The following KCNIP1 variants were observed in gnomAD, a reference collection of about 807,000 sequenced individuals.
KCNIP1 encodes the protein A-type potassium channel modulatory protein KCNIP1.
In KCNIP1, 18 loss-of-function variants were observed where a neutral mutation model predicts 33.0. The observed-to-expected ratio is 0.55, with a 90% confidence interval of 0.38 to 0.81. The LOEUF is 0.81. Ranked by LOEUF, KCNIP1 falls within the 30% of genes least tolerant of loss-of-function variation. KCNIP1 has a pLI of 0.00. For synonymous variants in KCNIP1, 93 were observed against 98.3 expected, an observed-to-expected ratio of 0.95 and a Z score of 0.32; for missense variants, 238 against 271.6, an observed-to-expected ratio of 0.88 and a Z score of 0.87.
intron 1 of KCNIP1, among the ~76,000 whole-genome samples, chr5:170,426,986 A>C (rs1290388436): frequency 6.6e-6 from 1 of 152,212 alleles, no homozygotes; most frequent in Non-Finnish European, 1.5e-5. Context: ...CCACAGGGAG[A>C]GGGAAGAGGC....
chr5:170,622,548 G>A (rs1292076134), intron 1 of KCNIP1, among the ~76,000 whole-genome samples: 1 of 151,824 alleles, frequency 6.6e-6, no homozygotes, highest in Non-Finnish European at 1.5e-5. Flanking sequence ...CTTGAACCCA[G>A]GAGGCAGAGG....
At chr5:170,464,881 T>C (rs762698262) in intron 1 of KCNIP1, among the ~76,000 whole-genome samples, 39 of 152,152 alleles carry the variant, frequency 2.6e-4, no homozygotes, top group Non-Finnish European at 5.3e-4. Context: ...TCTGAAAGTG[T>C]CCACTCAGTG....
chr5:170,643,373 C>G (rs1760653704), intron 1 of KCNIP1, among the ~76,000 whole-genome samples: 1 of 122,170 alleles, frequency 8.2e-6, no homozygotes, highest in African/African-American at 3.7e-5. Flanking sequence ...AGCAAATTTG[C>G]AGTAATTTAT....
intron 1 of KCNIP1, among the ~76,000 whole-genome samples, chr5:170,569,269 T>C (rs539373842): frequency 5.3e-5 from 8 of 152,376 alleles, no homozygotes; most frequent in Non-Finnish European, 7.3e-5. Context: ...CCCAGGTCGA[T>C]GGAGCTCCCA....
At position 170,707,955 on chromosome 5, in the gene KCNIP1, A is replaced by C. The variant is rs568371549; in HGVS notation, c.62-10803A>C. On this transcript the variant is annotated intron_variant, in intron 1 of 7. Coordinates refer to ENST00000328939, the MANE Select transcript of KCNIP1 (RefSeq NM_014592.4). ...ATTTGAGTTTTATTGAACCGAGAAGACTGAAAAAAATACGTGGAACACTCA... is the reference window on the plus strand; with the variant it reads ...ATTTGAGTTTTATTGAACCGAGAAGCCTGAAAAAAATACGTGGAACACTCA... 2.4e-4 allele frequency among the ~76,000 whole-genome samples: 37 copies of C among 152,280 alleles called. No homozygotes were observed. In the South Asian group the frequency reaches 3.3e-3, roughly 14 times the overall value.
chr5:170,452,757 T>C (rs573504645), intron 1 of KCNIP1, among the ~76,000 whole-genome samples: 3 of 152,224 alleles, frequency 2.0e-5, no homozygotes, highest in South Asian at 4.1e-4. Context: ...GTCTGAGTAA[T>C]TTCTTGATGA....
intron 1 of KCNIP1, among the ~76,000 whole-genome samples, chr5:170,533,398 T>G (rs1755854631): frequency 6.6e-6 from 1 of 152,204 alleles, no homozygotes; most frequent in African/African-American, 2.4e-5. Flanking sequence ...GCGGGTACTG[T>G]TTTTATCCTG....
At chr5:170,726,143 C>T (rs527375815) in intron 5 of KCNIP1, among the ~76,000 whole-genome samples, 52 of 152,130 alleles carry the variant, frequency 3.4e-4, no homozygotes, top group African/African-American at 4.6e-4. Flanking sequence ...CTTTAGAAGA[C>T]ACCTTTAAGA....
chr5:170,509,674 G>A (rs1476867672), intron 1 of KCNIP1, among the ~76,000 whole-genome samples: 1 of 152,240 alleles, frequency 6.6e-6, no homozygotes, highest in Non-Finnish European at 1.5e-5. Flanking sequence ...GAATGAATAT[G>A]TCCATAAATG....
In KCNIP1 at chr5:170,442,663, C is replaced by T. The variant is rs78630850; in HGVS notation, c.88+88699C>T. Among the ~76,000 whole-genome samples the T allele has an allele frequency of 2.9e-3, 449 of 152,316 alleles. 1 individual carries two copies. Among genetic ancestry groups the T allele is most frequent in the Non-Finnish European group, 5.2e-3 (352 of 68,026 alleles). The stretch of plus-strand genomic sequence containing the variant: ...CCAAGACAATCTGGAGAAGACATCA[C>T]CCCACTTGAGTCATGAGATGTCCTC... On this transcript the variant is annotated intron_variant, in intron 1 of 7. Coordinates refer to the KCNIP1 transcript ENST00000377360.
At chr5:170,645,344 A>T (rs568999214) in intron 1 of KCNIP1, among the ~76,000 whole-genome samples, 1 of 152,362 alleles carries the variant, frequency 6.6e-6, no homozygotes, top group Admixed American at 6.5e-5. Context: ...TTTCAGACAG[A>T]GCAGACTTAA....
chr5:170,502,648 T>C (rs1050121281), upstream of KCNIP1, among the ~76,000 whole-genome samples: 2 of 152,178 alleles, frequency 1.3e-5, no homozygotes, highest in African/African-American at 2.4e-5. Context: ...TGCGCCCATA[T>C]GTTTGTGGGA....
chr5:170,357,683 C>A (rs117429314), intron 1 of KCNIP1, among the ~76,000 whole-genome samples: 1 of 152,206 alleles, frequency 6.6e-6, no homozygotes, highest in Non-Finnish European at 1.5e-5. Context: ...ATGTGCACCA[C>A]CACAACCAGC....
At chr5:170,428,825 G>A (rs1483567438) in intron 1 of KCNIP1, among the ~76,000 whole-genome samples, 1 of 152,124 alleles carries the variant, frequency 6.6e-6, no homozygotes, top group Non-Finnish European at 1.5e-5. Flanking sequence ...CCAGCTGCGG[G>A]TGGTGCTAGG....
At chr5:170,497,975 C>T (rs1050129849) in intron 1 of KCNIP1, among the ~76,000 whole-genome samples, 4 of 152,382 alleles carry the variant, frequency 2.6e-5, no homozygotes, top group Admixed American at 2.0e-4. Flanking sequence ...CCGGCTTCCC[C>T]GGCTTCCGCT....
At chr5:170,626,433 T>C (rs1284000126) in intron 1 of KCNIP1, among the ~76,000 whole-genome samples, 1 of 152,206 alleles carries the variant, frequency 6.6e-6, no homozygotes, top group African/African-American at 2.4e-5. Flanking sequence ...CCCCCTCCCA[T>C]GGCACCGTGA....
chr5:170,660,651 G>C (rs940831911), intron 1 of KCNIP1, among the ~76,000 whole-genome samples: 2 of 152,230 alleles, frequency 1.3e-5, no homozygotes, highest in African/African-American at 2.4e-5. Flanking sequence ...TGGGAAGAGA[G>C]GGATGGGTCC....
At chr5:170,561,044 C>T (rs1757017650) in intron 1 of KCNIP1, 2 of 452,558 alleles carry the variant, frequency 4.4e-6, no homozygotes, top group South Asian at 3.1e-5. Context: ...CGGGCAGGAG[C>T]CCAGCCTCCT....
chr5:170,503,581 T>A (rs1757464281), upstream of KCNIP1, among the ~76,000 whole-genome samples: 1 of 151,676 alleles, frequency 6.6e-6, no homozygotes, highest in Non-Finnish European at 1.5e-5. Flanking sequence ...TGGATGTGTT[T>A]TTCACCCCTT....
Sources: gnomAD v4.1 joint callset for allele counts (sites outside exome capture counted in the v4.1 genomes callset) on GRCh38, gnomAD v4.1.1 for gene constraint, MANE v1.5 for transcripts, NCBI Gene and HGNC (gene_info 2026-07-23, HGNC 2026-07-21) for gene names.